The following SLC8A1 variants were observed in gnomAD, a reference collection of about 807,000 sequenced individuals.
SLC8A1 encodes the protein solute carrier family 8 member A1.
SLC8A1 carries 18 observed loss-of-function variants against 68.3 expected under a neutral mutation model. The observed-to-expected ratio is 0.26, with a 90% CI of 0.18 to 0.39. The LOEUF (loss-of-function observed/expected upper bound fraction) is 0.39. Among genes scored for constraint, SLC8A1 ranks in the 10% least tolerant of loss-of-function variants. The pLI, the probability that SLC8A1 is intolerant of heterozygous loss-of-function variation, is 1.00. For synonymous variants in SLC8A1, 475 were observed against 415.5 expected (o/e 1.14, Z -1.74); for missense variants, 985 against 1,156.7 (o/e 0.85, Z 2.15).
intron 1 of SLC8A1, among the ~76,000 whole-genome samples, chr2:40,467,386 C>A (rs189606526): frequency 6.6e-6 from 1 of 152,220 alleles, no homozygotes; most frequent in Admixed American, 6.5e-5. Flanking sequence ...CCCTATAGAG[C>A]TACTTCTGAT....
At chr2:40,408,239 T>C (rs1690996363) in intron 2 of SLC8A1, among the ~76,000 whole-genome samples, 1 of 152,200 alleles carries the variant, frequency 6.6e-6, no homozygotes, top group Admixed American at 6.5e-5. Flanking sequence ...TTGAACCAGA[T>C]ACGCCTGATC....
intron 2 of SLC8A1, 33 bp downstream of exon 3, chr2:40,178,354 C>G: frequency 6.4e-7 from 1 of 1,551,596 alleles, no homozygotes; most frequent in Non-Finnish European, 8.9e-7. Context: ...CCAGCAGAAG[C>G]TGTTGGGCTC....
At chr2:40,198,507 G>T (rs2053519805) in intron 2 of SLC8A1, among the ~76,000 whole-genome samples, 1 of 151,880 alleles carries the variant, frequency 6.6e-6, no homozygotes, top group South Asian at 2.1e-4. Context: ...AATTTCAGTT[G>T]CTATAAGAAA....
intron 2 of SLC8A1, chr2:40,220,460 G>A (rs536530517): frequency 5.3e-5 from 8 of 152,258 alleles, no homozygotes; most frequent in East Asian, 1.9e-4. Flanking sequence ...TAAATTGAGC[G>A]GCCTTTGGGC....
intron 5 of SLC8A1, among the ~76,000 whole-genome samples, chr2:40,164,188 A>G (rs1336712184): frequency 6.6e-6 from 1 of 152,232 alleles, no homozygotes; most frequent in South Asian, 2.1e-4. Context: ...CTAAGGATCA[A>G]CAGGAAATTT....
At chr2:40,162,466 CT>C (rs1245056907) in intron 5 of SLC8A1, among the ~76,000 whole-genome samples, 1 of 152,174 alleles carries the variant, frequency 6.6e-6, no homozygotes, top group Non-Finnish European at 1.5e-5. Flanking sequence ...AACAGATAAA[CT>C]TCTCTAACAT....
intron 2 of SLC8A1, among the ~76,000 whole-genome samples, chr2:40,403,683 A>C (rs947923690): frequency 9.2e-5 from 14 of 152,212 alleles, no homozygotes; most frequent in African/African-American, 3.1e-4. Flanking sequence ...TACTCAGCTA[A>C]CTTGAATTTC....
intron 2 of SLC8A1, among the ~76,000 whole-genome samples, chr2:40,187,333 C>T (rs1358016578): frequency 6.6e-6 from 1 of 152,166 alleles, no homozygotes; most frequent in East Asian, 1.9e-4. Context: ...TAAATAGACT[C>T]CAAGGACAAG....
intron 1 of SLC8A1, among the ~76,000 whole-genome samples, chr2:40,508,072 A>C (rs770446928): frequency 6.6e-6 from 1 of 152,110 alleles, no homozygotes; most frequent in Non-Finnish European, 1.5e-5. Flanking sequence ...GGTTCTTAGA[A>C]TCATTTCATA....
chr2:40,290,803 T>C (rs1016374024), intron 2 of SLC8A1, among the ~76,000 whole-genome samples: 1 of 152,194 alleles, frequency 6.6e-6, no homozygotes, highest in African/African-American at 2.4e-5. Flanking sequence ...CCTATATGCA[T>C]ATCCCATATG....
At chr2:40,459,488 A>T (rs143364290) in intron 1 of SLC8A1, among the ~76,000 whole-genome samples, 1 of 152,256 alleles carries the variant, frequency 6.6e-6, no homozygotes, top group East Asian at 1.9e-4. Context: ...TGGCCATATG[A>T]CTTGTACCAC....
At chr2:40,400,200 G>T (rs1294252057) in intron 2 of SLC8A1, among the ~76,000 whole-genome samples, 1 of 152,284 alleles carries the variant, frequency 6.6e-6, no homozygotes, top group Admixed American at 6.5e-5. Context: ...GCCCCCGGCC[G>T]AATAAACCCC....
At chr2:40,159,256 A>G (rs577430927) in intron 6 of SLC8A1, among the ~76,000 whole-genome samples, 2 of 152,236 alleles carry the variant, frequency 1.3e-5, no homozygotes, top group Non-Finnish European at 2.9e-5. Context: ...TGTATCCTCC[A>G]TTAGACTGTA....
chr2:40,120,073 C>A (rs190585628), intron 7 of SLC8A1, among the ~76,000 whole-genome samples: 2 of 152,186 alleles, frequency 1.3e-5, no homozygotes, highest in South Asian at 4.1e-4. Context: ...TTTATTGCTA[C>A]TTATAGGCTA....
chr2:40,281,100 G>A (rs2067451467), intron 2 of SLC8A1, among the ~76,000 whole-genome samples: 1 of 152,148 alleles, frequency 6.6e-6, no homozygotes, highest in Non-Finnish European at 1.5e-5. Flanking sequence ...ATGACAGTAA[G>A]ATTTCACAAG....
chr2:40,253,120 TATATACAC>T, intron 2 of SLC8A1, among the ~76,000 whole-genome samples: 1 of 109,918 alleles, frequency 9.1e-6, no homozygotes, highest in Admixed American at 1.1e-4. Context: ...CGTGTATACA[TATATACAC>T]GTATATATGT....
rs187487373 is a variant in SLC8A1, at chr2:40,214,777, G to A, written c.1809-36922C>T. On this transcript the variant is annotated intron_variant, in intron 2 of 7. Coordinates refer to ENST00000406785, the Ensembl canonical transcript of SLC8A1. ...TTATCTTAACTCATATAATGGATCA[G>A]TATTTTTTTGAGAATTTCCAGGCCA... Among the ~76,000 whole-genome samples the A allele has an allele frequency of 1.2e-4, 19 of 152,282 alleles. 2 individuals carry two copies. The East Asian group carries it at 3.5e-3, about 28-fold the overall frequency.
chr2:40,484,570 G>A (rs1313240404), intron 1 of SLC8A1, among the ~76,000 whole-genome samples: 4 of 152,150 alleles, frequency 2.6e-5, no homozygotes, highest in Admixed American at 6.5e-5. Flanking sequence ...AATCTAACGC[G>A]AGGGGCTTTG....
intron 1 of SLC8A1, among the ~76,000 whole-genome samples, chr2:40,504,080 C>T (rs1339396893): frequency 6.6e-6 from 1 of 152,006 alleles, no homozygotes; most frequent in Non-Finnish European, 1.5e-5. Flanking sequence ...GTAAATAAAA[C>T]AGCAGGTTAC....
Sources: allele counts gnomAD v4.1 joint callset (sites outside exome capture counted in the v4.1 genomes callset), GRCh38; gene constraint gnomAD v4.1.1; transcripts MANE v1.5; gene names NCBI Gene and HGNC (gene_info 2026-07-23, HGNC 2026-07-21).